Variants in STAT3 observed in about 807,000 individuals in gnomAD.
The protein encoded by STAT3 is signal transducer and activator of transcription 3.
In STAT3, 7 loss-of-function variants were observed where a neutral mutation model predicts 114.3. That is an observed-to-expected ratio of 0.06 (90% confidence interval 0.03 to 0.11). STAT3 has a LOEUF of 0.11. Among genes scored for constraint, STAT3 ranks in the 10% least tolerant of loss-of-function variants. The probability of loss-of-function intolerance (pLI) is 1.00; values close to 1 mark genes in which losing one functional copy is unlikely to be tolerated. For missense variants in STAT3, 364 were observed against 960.9 expected (o/e 0.38, Z 8.21); for synonymous variants, 331 against 354.5 (o/e 0.93, Z 0.74).
chr17:42,354,313 G>A (rs977054828), intron 1 of STAT3, among the ~76,000 whole-genome samples: 2 of 150,534 alleles, frequency 1.3e-5, no homozygotes, highest in African/African-American at 4.9e-5. Flanking sequence ...GGGACTACAG[G>A]CATGCCCCAC....
intron 1 of STAT3, among the ~76,000 whole-genome samples, chr17:42,377,619 C>A (rs899088504): frequency 2.0e-5 from 3 of 152,004 alleles, no homozygotes; most frequent in African/African-American, 7.3e-5. Context: ...GGATAAGGTG[C>A]GGACTAACTT....
chr17:42,319,498 C>T (rs1333232796), intron 21 of STAT3, among the ~76,000 whole-genome samples: 4 of 139,554 alleles, frequency 2.9e-5, no homozygotes, highest in Non-Finnish European at 4.5e-5. Context: ...AGCAAGATCG[C>T]GCCACTGCAC....
Position 42,369,288 on chromosome 17 carries a change from C to T in STAT3, c.-24+18991G>A, listed in dbSNP as rs148397591. 3.1e-3 allele frequency among the ~76,000 whole-genome samples: 476 copies of T among 152,234 alleles called. 7 individuals are homozygous for T. The highest frequency in any genetic ancestry group is 0.011 in the African/African-American group (457 of 41,564). On this transcript the variant is annotated intron_variant, in intron 1 of 23. Transcript: ENST00000264657. The stretch of plus-strand genomic sequence containing the variant: ...CAGAGAATTGCTTGAACCTGGGAGG[C>T]GGAGGTTGCAGTGAGCTGAAATCGT...
intron 1 of STAT3, among the ~76,000 whole-genome samples, chr17:42,365,520 C>A (rs866074657): frequency 6.6e-6 from 1 of 151,920 alleles, no homozygotes; most frequent in East Asian, 1.9e-4. Context: ...TTATTGCATT[C>A]GGCAACTAGA....
At chr17:42,326,051 G>C in intron 15 of STAT3, 65 bp downstream of exon 15, 1 of 1,380,230 alleles carries the variant, frequency 7.2e-7, no homozygotes, top group Non-Finnish European at 1.0e-6. Context: ...AAAAATCCCA[G>C]TGGAAGTTTT....
At chr17:42,370,685 T>A (rs1250583818) in intron 1 of STAT3, among the ~76,000 whole-genome samples, 3 of 152,020 alleles carry the variant, frequency 2.0e-5, no homozygotes, top group Admixed American at 2.0e-4. Context: ...TGAAGTGCAG[T>A]GGCGCGATCT....
chr17:42,343,913 G>A (rs2082569007), intron 4 of STAT3, among the ~76,000 whole-genome samples: 1 of 152,114 alleles, frequency 6.6e-6, no homozygotes, highest in Non-Finnish European at 1.5e-5. Flanking sequence ...CTTCGAGGAA[G>A]ACCTATCTAT....
At chr17:42,340,578 AG>A (rs906800345) in intron 4 of STAT3, among the ~76,000 whole-genome samples, 12 of 151,882 alleles carry the variant, frequency 7.9e-5, no homozygotes, top group African/African-American at 2.9e-4. Context: ...GCTACTTGGG[AG>A]GCTGAGGTGG....
intron 1 of STAT3, among the ~76,000 whole-genome samples, chr17:42,365,373 G>A (rs369591528): frequency 1.5e-3 from 232 of 152,240 alleles, no homozygotes; most frequent in Non-Finnish European, 1.8e-3. Context: ...ACCCCCAGCC[G>A]CTTGAGTTTT....
intron 1 of STAT3, among the ~76,000 whole-genome samples, chr17:42,364,855 G>C (rs1436148626): frequency 6.6e-6 from 1 of 152,204 alleles, no homozygotes; most frequent in Non-Finnish European, 1.5e-5. Flanking sequence ...GTGCTTACTG[G>C]AGAGAAGGAA....
intron 1 of STAT3, among the ~76,000 whole-genome samples, chr17:42,384,135 T>G (rs867417344): frequency 2.9e-5 from 4 of 139,520 alleles, no homozygotes; most frequent in Admixed American, 1.4e-4. Flanking sequence ...TTTATTTATT[T>G]TTTTTTTTTT....
chr17:42,370,998 A>C (rs1406326899), intron 1 of STAT3, among the ~76,000 whole-genome samples: 1 of 152,164 alleles, frequency 6.6e-6, no homozygotes, highest in Non-Finnish European at 1.5e-5. Context: ...GCAGAAACAA[A>C]AGTCAGGATG....
intron 4 of STAT3, among the ~76,000 whole-genome samples, chr17:42,340,522 T>A (rs3869549): frequency 0.44 from 65,579 of 149,128 alleles, 15,896 homozygotes; most frequent in African/African-American, 0.67. Flanking sequence ...AAAAAAAAAA[T>A]TTTTTTTTAA....
At chr17:42,376,434 C>A (rs2084464412) in intron 1 of STAT3, among the ~76,000 whole-genome samples, 1 of 151,484 alleles carries the variant, frequency 6.6e-6, no homozygotes, top group Non-Finnish European at 1.5e-5. Flanking sequence ...GTAGTCCCAG[C>A]TACTCAGGAG....
chr17:42,366,073 G>A (rs2083772355), intron 1 of STAT3, among the ~76,000 whole-genome samples: 1 of 152,024 alleles, frequency 6.6e-6, no homozygotes, highest in Non-Finnish European at 1.5e-5. Context: ...TATGTCTCTA[G>A]CCCCATCCGC....
chr17:42,382,398 C>G (rs542269569), intron 1 of STAT3, among the ~76,000 whole-genome samples: 1 of 152,134 alleles, frequency 6.6e-6, no homozygotes, highest in Non-Finnish European at 1.5e-5. Flanking sequence ...CAGATTCTGA[C>G]TAGGAAGTGG....
chr17:42,377,161 C>G (rs1018383573), intron 1 of STAT3, among the ~76,000 whole-genome samples: 1 of 152,180 alleles, frequency 6.6e-6, no homozygotes, highest in Non-Finnish European at 1.5e-5. Flanking sequence ...ATTTGCCGCC[C>G]AGGCAAATCA....
At chr17:42,321,142 C>G (rs2081463678) in intron 21 of STAT3, among the ~76,000 whole-genome samples, 1 of 114,750 alleles carries the variant, frequency 8.7e-6, no homozygotes, top group Non-Finnish European at 1.7e-5. Context: ...TTTGGTGAGT[C>G]AAGGTCTTGC....
intron 22 of STAT3, 44 bp from the exon 23 acceptor site, chr17:42,316,945 C>G: frequency 6.3e-7 from 1 of 1,574,858 alleles, no homozygotes; most frequent in Non-Finnish European, 8.6e-7. Context: ...GGGGGGTTGA[C>G]AAGACACAAT....
Sources: allele counts gnomAD v4.1 joint callset (sites outside exome capture counted in the v4.1 genomes callset), GRCh38; gene constraint gnomAD v4.1.1; transcripts MANE v1.5; gene names NCBI Gene and HGNC (gene_info 2026-07-23, HGNC 2026-07-21).